The following AFG1L variants were observed in gnomAD, a reference collection of about 807,000 sequenced individuals.
The protein encoded by AFG1L is AFG1-like ATPase.
Under a neutral mutation model 62.2 loss-of-function variants are expected in AFG1L, and 53 were observed. The ratio of observed to expected loss-of-function variants is 0.85; its 90% CI spans 0.68 to 1.07. The LOEUF (loss-of-function observed/expected upper bound fraction) is 1.07, where lower values mean the gene tolerates loss of function less well. Ranked by LOEUF, AFG1L falls within the 50% of genes least tolerant of loss-of-function variation. The probability of loss-of-function intolerance (pLI) is 0.00; values close to 1 mark genes in which losing one functional copy is unlikely to be tolerated. For synonymous variants in AFG1L, 228 were observed against 210.3 expected, an observed-to-expected ratio of 1.08 and a Z score of -0.73; for missense variants, 555 against 590.5, an observed-to-expected ratio of 0.94 and a Z score of 0.62.
intron 10 of AFG1L, among the ~76,000 whole-genome samples, chr6:108,481,172 G>A (rs759651667): frequency 5.9e-5 from 9 of 152,212 alleles, no homozygotes; most frequent in Non-Finnish European, 1.3e-4. Flanking sequence ...AGAAGTGTGG[G>A]AGGGTGGAGG....
intron 7 of AFG1L, among the ~76,000 whole-genome samples, chr6:108,434,628 C>T (rs1439926370): frequency 6.6e-6 from 1 of 152,182 alleles, no homozygotes; most frequent in Non-Finnish European, 1.5e-5. Context: ...GTTTTCCCAA[C>T]TCTGGAGCAG....
chr6:108,389,461 T>C (rs1449138310), intron 6 of AFG1L, among the ~76,000 whole-genome samples: 1 of 152,248 alleles, frequency 6.6e-6, no homozygotes, highest in Non-Finnish European at 1.5e-5. Flanking sequence ...GGATGCAGTT[T>C]CTTCCTAGCC....
chr6:108,445,906 G>A (rs1771767096), intron 7 of AFG1L, among the ~76,000 whole-genome samples: 1 of 152,102 alleles, frequency 6.6e-6, no homozygotes, highest in Non-Finnish European at 1.5e-5. Flanking sequence ...CACAAAGTGA[G>A]CACATGCTGT....
chr6:108,486,712 T>C (rs1419442240), intron 10 of AFG1L, among the ~76,000 whole-genome samples: 1 of 152,136 alleles, frequency 6.6e-6, no homozygotes, highest in Non-Finnish European at 1.5e-5. Context: ...TCAGCAACTA[T>C]TTCTTTTTCT....
chr6:108,519,906 T>C (rs962651489), intron 12 of AFG1L, 96 bp downstream of exon 12: 2 of 660,728 alleles, frequency 3.0e-6, no homozygotes, highest in Non-Finnish European at 5.1e-6. Flanking sequence ...ATGCAGTGTA[T>C]AGTTAACCAT....
intron 10 of AFG1L, among the ~76,000 whole-genome samples, chr6:108,479,010 A>G (rs1309952049): frequency 6.6e-6 from 1 of 152,214 alleles, no homozygotes; most frequent in Non-Finnish European, 1.5e-5. Context: ...AATAGCAACT[A>G]CAAACTAAAC....
chr6:108,433,168 C>T (rs1348451296), intron 7 of AFG1L, among the ~76,000 whole-genome samples: 1 of 152,142 alleles, frequency 6.6e-6, no homozygotes, highest in Admixed American at 6.5e-5. Context: ...CTGTTTTATA[C>T]CCCCAGACTT....
At chr6:108,484,485 C>A (rs1773446046) in intron 10 of AFG1L, among the ~76,000 whole-genome samples, 1 of 152,188 alleles carries the variant, frequency 6.6e-6, no homozygotes, top group South Asian at 2.1e-4. Context: ...GAGTCATAGT[C>A]TTGGTGTTGC....
intron 6 of AFG1L, among the ~76,000 whole-genome samples, chr6:108,381,170 A>G (rs904015636): frequency 6.6e-6 from 1 of 152,242 alleles, no homozygotes; most frequent in African/African-American, 2.4e-5. Flanking sequence ...AATAAAGAGG[A>G]TCTTGGATCA....
intron 11 of AFG1L, among the ~76,000 whole-genome samples, chr6:108,518,596 C>T (rs1446541273): frequency 6.6e-6 from 1 of 152,036 alleles, no homozygotes; most frequent in Non-Finnish European, 1.5e-5. Context: ...CACATGTATA[C>T]ATATGTAACA....
intron 10 of AFG1L, among the ~76,000 whole-genome samples, chr6:108,486,685 T>G (rs1773586989): frequency 6.6e-6 from 1 of 152,208 alleles, no homozygotes; most frequent in Admixed American, 6.5e-5. Flanking sequence ...CCTCCAAGAT[T>G]ACTACATTGA....
chr6:108,411,198 C>A (rs571600515), intron 7 of AFG1L, among the ~76,000 whole-genome samples: 1 of 152,268 alleles, frequency 6.6e-6, no homozygotes, highest in African/African-American at 2.4e-5. Context: ...TGCAAGGTGG[C>A]AGCGAGGCTG....
chr6:108,399,921 G>T (rs2114623618), intron 6 of AFG1L, among the ~76,000 whole-genome samples: 1 of 151,750 alleles, frequency 6.6e-6, no homozygotes, highest in East Asian at 1.9e-4. Context: ...TGGGGCTACA[G>T]GCACATGCCA....
intron 6 of AFG1L, among the ~76,000 whole-genome samples, chr6:108,376,136 T>C (rs1780237123): frequency 6.6e-6 from 1 of 152,196 alleles, no homozygotes; most frequent in South Asian, 2.1e-4. Flanking sequence ...TCTTTTGTAT[T>C]TCTGTGGGAT....
intron 1 of AFG1L, among the ~76,000 whole-genome samples, chr6:108,298,024 A>G (rs1442250523): frequency 6.6e-6 from 1 of 152,092 alleles, no homozygotes; most frequent in Non-Finnish European, 1.5e-5. Context: ...TTTAATCTTC[A>G]TAAAACTCTA....
At chr6:108,393,291 A>C (rs1781138030) in intron 6 of AFG1L, among the ~76,000 whole-genome samples, 1 of 152,106 alleles carries the variant, frequency 6.6e-6, no homozygotes, top group Admixed American at 6.5e-5. Context: ...CAAGAGATGG[A>C]TGTATTGCAT....
At chr6:108,392,017 T>C (rs1450994133) in intron 6 of AFG1L, 1 of 152,220 alleles carries the variant, frequency 6.6e-6, no homozygotes, top group East Asian at 1.9e-4. Flanking sequence ...TAATGATATG[T>C]CATATTTTTT....
intron 8 of AFG1L, among the ~76,000 whole-genome samples, chr6:108,468,113 T>C (rs746349026): frequency 2.7e-4 from 41 of 152,168 alleles, no homozygotes; most frequent in Non-Finnish European, 4.4e-5. Context: ...CAGATGCCTG[T>C]TTTTATATTT....
At chr6:108,437,538 A>G (rs977148810) in intron 7 of AFG1L, among the ~76,000 whole-genome samples, 1 of 152,202 alleles carries the variant, frequency 6.6e-6, no homozygotes, top group Non-Finnish European at 1.5e-5. Flanking sequence ...CCATAGGAAC[A>G]GTGGACTATG....
Sources: allele counts gnomAD v4.1 joint callset (sites outside exome capture counted in the v4.1 genomes callset), GRCh38; gene constraint gnomAD v4.1.1; transcripts MANE v1.5; gene names NCBI Gene and HGNC (gene_info 2026-07-23, HGNC 2026-07-21).